The following TRPM3 variants were observed in gnomAD, a reference collection of about 807,000 sequenced individuals.
TRPM3 encodes transient receptor potential cation channel subfamily M member 3, also known as long transient receptor potential channel 3.
TRPM3 carries 77 observed loss-of-function variants against 181.2 expected under a neutral mutation model. The ratio of observed to expected loss-of-function variants is 0.42; its 90% CI spans 0.35 to 0.51. The LOEUF is 0.51. TRPM3 is among the 20% of genes least tolerant of loss of function. TRPM3 has a pLI of 0.01. For missense variants in TRPM3, 1,759 were observed against 2,196.7 expected, an observed-to-expected ratio of 0.80 and a Z score of 3.98; for synonymous variants, 745 against 796.4, an observed-to-expected ratio of 0.94 and a Z score of 1.09.
At chr9:71,187,575 A>C (rs10732701) in intron 1 of TRPM3, among the ~76,000 whole-genome samples, 66,095 of 151,736 alleles carry the variant, frequency 0.44, 14,719 homozygotes, top group East Asian at 0.52. Context: ...CTGGAAAACA[A>C]AAAACCATTT....
intron 1 of TRPM3, among the ~76,000 whole-genome samples, chr9:71,257,645 A>G (rs1173579673): frequency 2.0e-5 from 3 of 152,202 alleles, no homozygotes; most frequent in Non-Finnish European, 4.4e-5. Context: ...ATTGATTTAT[A>G]CTACGAGAAA....
At chr9:71,424,696 T>C (rs1190834150) in intron 1 of TRPM3, among the ~76,000 whole-genome samples, 1 of 152,110 alleles carries the variant, frequency 6.6e-6, no homozygotes, top group Non-Finnish European at 1.5e-5. Context: ...TCACCATCAT[T>C]CTCTCCCTGT....
At chr9:71,266,960 C>CAAAAAATAAA (rs2083434610) in intron 1 of TRPM3, among the ~76,000 whole-genome samples, 1 of 125,426 alleles carries the variant, frequency 8.0e-6, no homozygotes, top group Non-Finnish European at 1.7e-5. Flanking sequence ...CTTCTCTGGC[C>CAAAAAATAAA]AAAAAAAAAA....
At chr9:71,243,824 A>G (rs2081871463) in intron 1 of TRPM3, among the ~76,000 whole-genome samples, 1 of 152,240 alleles carries the variant, frequency 6.6e-6, no homozygotes, top group Non-Finnish European at 1.5e-5. Flanking sequence ...TTCAAAAGTT[A>G]TAAACAAAGC....
chr9:70,921,951 A>T (rs2096660889), intron 1 of TRPM3, among the ~76,000 whole-genome samples: 1 of 151,334 alleles, frequency 6.6e-6, no homozygotes, highest in Admixed American at 6.6e-5. Context: ...AAACACACAC[A>T]CACACACACA....
intron 1 of TRPM3, among the ~76,000 whole-genome samples, chr9:71,372,207 A>G (rs575065908): frequency 6.6e-6 from 1 of 152,170 alleles, no homozygotes; most frequent in Non-Finnish European, 1.5e-5. Flanking sequence ...ATGTATTAAT[A>G]CCACAATTTC....
At chr9:71,365,847 T>C (rs2092318145) in intron 1 of TRPM3, among the ~76,000 whole-genome samples, 1 of 152,168 alleles carries the variant, frequency 6.6e-6, no homozygotes, top group East Asian at 1.9e-4. Context: ...ATGAAGTTCA[T>C]GCTCTCGTGG....
At chr9:70,690,715 T>C (rs1299858198) in intron 8 of TRPM3, among the ~76,000 whole-genome samples, 4 of 152,066 alleles carry the variant, frequency 2.6e-5, no homozygotes, top group African/African-American at 4.8e-5. Flanking sequence ...AACACAAAAA[T>C]CTATGTTCAT....
At chr9:70,571,988 G>T in intron 22 of TRPM3, among the ~76,000 whole-genome samples, 1 of 140,378 alleles carries the variant, frequency 7.1e-6, no homozygotes, top group Non-Finnish European at 1.6e-5. Flanking sequence ...GTTGGCATTT[G>T]CATACTCACT....
intron 1 of TRPM3, among the ~76,000 whole-genome samples, chr9:71,308,531 A>T (rs578019606): frequency 6.6e-6 from 1 of 152,306 alleles, no homozygotes; most frequent in South Asian, 2.1e-4. Context: ...CCTATTCTAA[A>T]GATAGTATTT....
intron 1 of TRPM3, among the ~76,000 whole-genome samples, chr9:71,300,796 G>C (rs1217184651): frequency 1.3e-5 from 2 of 152,010 alleles, no homozygotes; most frequent in African/African-American, 4.8e-5. Context: ...ATTCTGAAAT[G>C]GGAAAAATCT....
chr9:70,877,565 T>A (rs963809184), intron 1 of TRPM3, among the ~76,000 whole-genome samples: 73 of 151,990 alleles, frequency 4.8e-4, no homozygotes, highest in Non-Finnish European at 1.0e-4. Context: ...CTAAGATTCC[T>A]GTTTGGGACA....
chr9:70,598,663 A>G lies in TRPM3; in HGVS notation c.2804T>C (p.Met935Thr). The change falls in exon 21 of 26, where the codon ATG (methionine) becomes ACG (threonine). Residue 935 changes from methionine to threonine, a missense_variant. By Grantham distance (81) the Met-to-Thr change is moderately conservative. This residue lies in a region of TRPM3 where 100 missense variants were observed against 123.0 expected (regional missense o/e 0.81). Transcript: ENST00000677713. ...LGIEKMREIL[M>T]SEPGKLLQKV... ...CTGTAGCAACTTCCCTGGCTCTGAC[A>G]TCAGAATCTATAAGGCAGGAAGGAG... 6.2e-7 allele frequency: 1 copy of G among 1,613,808 alleles called. No homozygotes were observed. The highest frequency in any genetic ancestry group is 1.1e-5 in the South Asian group (1 of 91,064).
intron 5 of TRPM3, among the ~76,000 whole-genome samples, chr9:70,830,966 T>C (rs116236397): frequency 8.7e-4 from 133 of 152,344 alleles, no homozygotes; most frequent in African/African-American, 3.2e-3. Flanking sequence ...CAGTGACTTT[T>C]GTTTTGCACG....
At chr9:71,056,762 T>C (rs1159814754) in intron 1 of TRPM3, among the ~76,000 whole-genome samples, 1 of 152,008 alleles carries the variant, frequency 6.6e-6, no homozygotes, top group Admixed American at 6.6e-5. Context: ...ACCAGTGCTC[T>C]GACATCTTGA....
At chr9:70,757,633 TCCA>T (rs1297036810) in intron 8 of TRPM3, among the ~76,000 whole-genome samples, 6 of 152,186 alleles carry the variant, frequency 3.9e-5, no homozygotes, top group Non-Finnish European at 8.8e-5. Flanking sequence ...AGAAAGCTTA[TCCA>T]CCACGATAAA....
intron 1 of TRPM3, among the ~76,000 whole-genome samples, chr9:71,050,478 C>A (rs1182976840): frequency 6.6e-6 from 1 of 152,058 alleles, no homozygotes; most frequent in Non-Finnish European, 1.5e-5. Flanking sequence ...CACAAGAAAA[C>A]CAAAGTAATG....
At chr9:70,998,655 C>T (rs1394906915) in intron 1 of TRPM3, among the ~76,000 whole-genome samples, 1 of 152,152 alleles carries the variant, frequency 6.6e-6, no homozygotes, top group Non-Finnish European at 1.5e-5. Context: ...TACTTGTCCT[C>T]CTCCATCACT....
rs866091521 is a variant in TRPM3 at position 71,288,452 on chromosome 9, A to T, written c.183+158201T>A. ...ACAAACAGACAAAGTTCATCTGAGTATGACAGAAAGTTCCCTATTGAAAAA... is the reference window on the plus strand; with the variant it reads ...ACAAACAGACAAAGTTCATCTGAGTTTGACAGAAAGTTCCCTATTGAAAAA... On this transcript the variant is annotated intron_variant, in intron 1 of 24. Transcript: ENST00000357533. Among the ~76,000 whole-genome samples, 3 of 152,276 alleles carry T rather than the reference A, an allele frequency of 2.0e-5. 1 individual carries two copies. In the South Asian group the frequency reaches 6.2e-4, roughly 32 times the overall value.
Sources: gnomAD v4.1 joint callset for allele counts (sites outside exome capture counted in the v4.1 genomes callset) on GRCh38, gnomAD v4.1.1 for gene constraint, gnomAD v4.1.1 regional missense constraint, MANE v1.5 for transcripts, NCBI Gene and HGNC (gene_info 2026-07-23, HGNC 2026-07-21) for gene names.